Variants in CADM1 observed in about 807,000 individuals in gnomAD.
CADM1 encodes cell adhesion molecule 1.
Under a neutral mutation model 53.1 loss-of-function variants are expected in CADM1, and 15 were observed. That is an observed-to-expected ratio of 0.28 (90% confidence interval 0.19 to 0.44). CADM1 has a LOEUF of 0.44. Ranked by LOEUF, CADM1 falls within the 20% of genes least tolerant of loss-of-function variation. CADM1 has a pLI of 1.00. For synonymous variants in CADM1, 281 were observed against 243.0 expected (o/e 1.16, Z -1.45); for missense variants, 434 against 611.3 (o/e 0.71, Z 3.06).
chr11:115,195,272 C>T (rs1285666042), intron 9 of CADM1, among the ~76,000 whole-genome samples: 1 of 152,172 alleles, frequency 6.6e-6, no homozygotes, highest in Non-Finnish European at 1.5e-5. Context: ...CCAATACATG[C>T]TTATTCCAAT....
In CADM1 at chr11:115,240,392, G is replaced by A. The variant is rs138296059; in HGVS notation, c.153C>T (p.Asp51=). Reference sequence around the variant, plus strand: ...CAACCTCTCCCTCGATCACTGTCACGTCTTTCGTAAACAGATTCTGCCCAT... The same window carrying A: ...CAACCTCTCCCTCGATCACTGTCACATCTTTCGTAAACAGATTCTGCCCAT... ...TGDGQNLFTK[D]VTVIEGEVAT... Residue 51 remains aspartate (D), a synonymous_variant, in exon 2 of 12, where the codon GAC becomes GAT. Coordinates refer to ENST00000331581, the MANE Select transcript of CADM1 (RefSeq NM_001301043.2). 13 of 1,613,460 alleles carry A rather than the reference G, an allele frequency of 8.1e-6. No homozygotes were observed. The highest frequency in any genetic ancestry group is 2.2e-5 in the East Asian group (1 of 44,842).
chr11:115,465,402 A>C lies in CADM1; in HGVS notation c.124+38869T>G, dbSNP rs1190258185. 2.6e-5 allele frequency among the ~76,000 whole-genome samples: 4 copies of C among 152,180 alleles called. No individual in the cohort carries two copies. The East Asian group carries it at 7.7e-4, about 29-fold the overall frequency. ...CTGAGTGACATGAGAGGTGTTTAGT[A>C]AACTTACAATCAGTAGAAATAAGAT... On this transcript the variant is annotated intron_variant, in intron 1 of 11. Transcript: ENST00000331581.
intron 1 of CADM1, among the ~76,000 whole-genome samples, chr11:115,469,407 CAA>C (rs1043069605): frequency 1.3e-5 from 2 of 152,054 alleles, no homozygotes; most frequent in African/African-American, 2.4e-5. Context: ...GACTGAGGCT[CAA>C]AGAGATTGAA....
intron 1 of CADM1, among the ~76,000 whole-genome samples, chr11:115,315,287 A>T (rs927777116): frequency 2.6e-5 from 4 of 152,200 alleles, no homozygotes; most frequent in African/African-American, 9.7e-5. Context: ...AATTTTTATA[A>T]TTAGTGTTTC....
rs147027739 is a variant in CADM1 at position 115,187,598 on chromosome 11, G to A, written c.1165+3290C>T. On this transcript the variant is annotated intron_variant, in intron 10 of 11. Transcript: ENST00000331581. ...TGGGACTATAGGTGCATGCCACCAC[G>A]CCTGGCTAATTTTTGTGTTTTTAGT... Among the ~76,000 whole-genome samples the A allele has an allele frequency of 4.8e-3, 735 of 152,140 alleles. 9 individuals are homozygous for A. The highest frequency in any genetic ancestry group is 0.017 in the African/African-American group (701 of 41,500).
chr11:115,201,821 T>G (rs1940443312), intron 8 of CADM1, among the ~76,000 whole-genome samples: 1 of 152,186 alleles, frequency 6.6e-6, no homozygotes, highest in Non-Finnish European at 1.5e-5. Context: ...CTAGCTGAGC[T>G]ACTGTCTCTT....
intron 1 of CADM1, among the ~76,000 whole-genome samples, chr11:115,266,146 T>C (rs760060937): frequency 6.6e-5 from 10 of 152,220 alleles, no homozygotes; most frequent in Non-Finnish European, 1.2e-4. Context: ...TTCAGTGTGC[T>C]GTGGGCATCA....
intron 1 of CADM1, among the ~76,000 whole-genome samples, chr11:115,466,734 G>C (rs1948906231): frequency 6.6e-6 from 1 of 152,100 alleles, no homozygotes; most frequent in South Asian, 2.1e-4. Context: ...AATAAGTCTA[G>C]AAGGCCAAAA....
At chr11:115,213,980 G>A in intron 7 of CADM1, among the ~76,000 whole-genome samples, 1 of 152,166 alleles carries the variant, frequency 6.6e-6, no homozygotes, top group East Asian at 1.9e-4. Context: ...CTGAAATGTA[G>A]TAGATGCTCA....
intron 1 of CADM1, among the ~76,000 whole-genome samples, chr11:115,462,224 G>C (rs536586253): frequency 6.6e-6 from 1 of 152,334 alleles, no homozygotes; most frequent in South Asian, 2.1e-4. Flanking sequence ...TTTCATTTCA[G>C]TACAGCGGAG....
intron 4 of CADM1, 108 bp from the exon 5 acceptor site, chr11:115,229,379 A>C: frequency 2.0e-6 from 2 of 989,304 alleles, no homozygotes; most frequent in East Asian, 4.9e-5. Flanking sequence ...ATTTTAACAA[A>C]TATGATGGCA....
At chr11:115,427,135 A>G (rs1383384724) in intron 1 of CADM1, among the ~76,000 whole-genome samples, 1 of 152,190 alleles carries the variant, frequency 6.6e-6, no homozygotes, top group Non-Finnish European at 1.5e-5. Context: ...TACAATGTGC[A>G]CCCTCTATGG....
intron 9 of CADM1, among the ~76,000 whole-genome samples, chr11:115,197,720 T>A (rs1013839710): frequency 4.6e-5 from 7 of 152,190 alleles, no homozygotes; most frequent in Admixed American, 2.6e-4. Flanking sequence ...AGTAACTTAT[T>A]TAAAGTCCCA....
intron 1 of CADM1, among the ~76,000 whole-genome samples, chr11:115,306,072 CCACACACACA>C (rs6144515): frequency 2.3e-5 from 3 of 130,390 alleles, no homozygotes; most frequent in African/African-American, 8.7e-5. Context: ...AGGATATATA[CCACACACACA>C]CACACACACA....
rs56270694 is a variant in CADM1, at chr11:115,206,758, C to CTTTTTTTTTTTTTTTTTTTTTTTTT, written c.1078+2791_1078+2815dup. 1.3e-4 allele frequency among the ~76,000 whole-genome samples: 5 copies of CTTTTTTTTTTTTTTTTTTTTTTTTT among 38,232 alleles called. 2 individuals are homozygous for CTTTTTTTTTTTTTTTTTTTTTTTTT. The highest frequency in any genetic ancestry group is 2.9e-4 in the African/African-American group (3 of 10,348). The allele number at this position is 38,232 out of a possible 152,430, so 25.1% of individuals were successfully genotyped here. On this transcript the variant is annotated intron_variant, in intron 8 of 11. Transcript: ENST00000331581. The stretch of plus-strand genomic sequence containing the variant: ...AAAAGAAATAGATGACTGTGGACTT[C>CTTTTTTTTTTTTTTTTTTTTTTTTT]TTTTTTTTTTTTTTTTTTTTTTTTT...
chr11:115,479,860 A>G (rs1236974877), intron 1 of CADM1, among the ~76,000 whole-genome samples: 2 of 152,332 alleles, frequency 1.3e-5, no homozygotes, highest in East Asian at 3.9e-4. Context: ...AAGCATTCAC[A>G]AGTTAACAAT....
intron 1 of CADM1, among the ~76,000 whole-genome samples, chr11:115,246,690 A>C (rs1445711999): frequency 6.6e-6 from 1 of 152,186 alleles, no homozygotes; most frequent in African/African-American, 2.4e-5. Flanking sequence ...TTCATTGCTA[A>C]TTACAAAAGC....
At chr11:115,195,776 G>A (rs943656937) in intron 9 of CADM1, among the ~76,000 whole-genome samples, 4 of 152,052 alleles carry the variant, frequency 2.6e-5, no homozygotes, top group Admixed American at 6.5e-5. Context: ...GTTTTTCCCC[G>A]ACATCAAGCA....
chr11:115,197,254 G>A (rs779715215), intron 9 of CADM1, among the ~76,000 whole-genome samples: 5 of 152,128 alleles, frequency 3.3e-5, no homozygotes, highest in Non-Finnish European at 7.4e-5. Flanking sequence ...TCAAATGTAG[G>A]TCTCTAAGTG....
Sources: allele counts gnomAD v4.1 joint callset (sites outside exome capture counted in the v4.1 genomes callset), GRCh38; gene constraint gnomAD v4.1.1; transcripts MANE v1.5; gene names NCBI Gene and HGNC (gene_info 2026-07-23, HGNC 2026-07-21).